The following XKR4 variants were observed in gnomAD, a reference collection of about 807,000 sequenced individuals.
The protein encoded by XKR4 is XK-related protein 4.
Under a neutral mutation model 53.9 loss-of-function variants are expected in XKR4, and 12 were observed. The ratio of observed to expected loss-of-function variants is 0.22; its 90% CI spans 0.14 to 0.36. The LOEUF is 0.36. Among genes scored for constraint, XKR4 ranks in the 10% least tolerant of loss-of-function variants. XKR4 has a pLI of 1.00. For synonymous variants in XKR4, 354 were observed against 362.4 expected, an observed-to-expected ratio of 0.98 and a Z score of 0.26; for missense variants, 799 against 859.5, an observed-to-expected ratio of 0.93 and a Z score of 0.88.
Position 55,247,835 on chromosome 8 carries a change from T to TTTTCTTTCTTTCTTTCTTTCTTTCTTTC in XKR4, c.807-109820_807-109819insCTTTCTTTCTTTCTTTCTTTCTTTCTTT, listed in dbSNP as rs374604470. Among the ~76,000 whole-genome samples, 254 of 65,112 alleles carry TTTTCTTTCTTTCTTTCTTTCTTTCTTTC rather than the reference T, an allele frequency of 3.9e-3. 38 individuals are homozygous for TTTTCTTTCTTTCTTTCTTTCTTTCTTTC. The highest frequency in any genetic ancestry group is 6.8e-3 in the Non-Finnish European group (142 of 20,958). 42.7% of individuals were successfully genotyped at this position (65,112 alleles called of 152,430 possible). A position where few individuals can be genotyped will look rare whatever the true frequency, so the allele number is the denominator to read the frequency against. On this transcript the variant is annotated intron_variant, in intron 1 of 2. Coordinates refer to ENST00000327381, the MANE Select transcript of XKR4 (RefSeq NM_052898.2). ...TTACATTATTAATTTTAATTTTTCT[T>TTTTCTTTCTTTCTTTCTTTCTTTCTTTC]TTTCTTTCTTTCTTTCTTTCTTTTT...
At chr8:55,127,800 A>G (rs905420437) in intron 1 of XKR4, among the ~76,000 whole-genome samples, 33 of 137,724 alleles carry the variant, frequency 2.4e-4, no homozygotes, top group African/African-American at 8.8e-4. Flanking sequence ...CTCATTGTTC[A>G]GTTCCCACCT....
intron 2 of XKR4, among the ~76,000 whole-genome samples, chr8:55,429,720 C>T (rs1805072311): frequency 6.7e-6 from 1 of 149,106 alleles, no homozygotes; most frequent in Non-Finnish European, 1.5e-5. Flanking sequence ...CAGACCAAGA[C>T]CCTGTCTTTC....
intron 2 of XKR4, among the ~76,000 whole-genome samples, chr8:55,389,881 G>T (rs1046938792): frequency 1.3e-5 from 2 of 152,112 alleles, no homozygotes; most frequent in African/African-American, 2.4e-5. Flanking sequence ...AGTGCCTACT[G>T]GAGCCCACAC....
At chr8:55,449,877 G>A in intron 2 of XKR4, 1 of 932,654 alleles carries the variant, frequency 1.1e-6, no homozygotes, top group Non-Finnish European at 1.8e-6. Flanking sequence ...TAAGGGTGCT[G>A]GTGCTGCCGC....
At chr8:55,369,179 C>T (rs1022906256) in intron 2 of XKR4, among the ~76,000 whole-genome samples, 13 of 151,630 alleles carry the variant, frequency 8.6e-5, no homozygotes, top group African/African-American at 3.2e-4. Context: ...CTGAGCAACA[C>T]AGCAAGACCC....
intron 1 of XKR4, among the ~76,000 whole-genome samples, chr8:55,230,363 C>CT (rs5891564): frequency 0.064 from 8,845 of 138,280 alleles, 670 homozygotes; most frequent in African/African-American, 0.17. Flanking sequence ...GAAAGAGACA[C>CT]TTTTTTTTTT....
intron 2 of XKR4, among the ~76,000 whole-genome samples, chr8:55,380,360 A>T (rs1238529212): frequency 1.3e-5 from 2 of 152,242 alleles, no homozygotes; most frequent in Non-Finnish European, 2.9e-5. Context: ...CTTCAAAAAG[A>T]GTTTAGTGTA....
At chr8:55,174,120 A>G (rs1427170474) in intron 1 of XKR4, among the ~76,000 whole-genome samples, 1 of 152,170 alleles carries the variant, frequency 6.6e-6, no homozygotes, top group Non-Finnish European at 1.5e-5. Flanking sequence ...TGCAGATAAT[A>G]CAATTAAAAT....
At chr8:55,437,908 C>A (rs1805199136) in intron 2 of XKR4, among the ~76,000 whole-genome samples, 1 of 151,712 alleles carries the variant, frequency 6.6e-6, no homozygotes, top group East Asian at 1.9e-4. Flanking sequence ...CCAGCTACAC[C>A]CCTTCAAGGG....
At chr8:55,123,400 CT>C (rs1016271324) in intron 1 of XKR4, among the ~76,000 whole-genome samples, 12 of 152,222 alleles carry the variant, frequency 7.9e-5, no homozygotes, top group Admixed American at 7.2e-4. Flanking sequence ...AAGCATGCCC[CT>C]GGCCTCCTTG....
chr8:55,393,775 G>A (rs552762772), intron 2 of XKR4, among the ~76,000 whole-genome samples: 2 of 152,124 alleles, frequency 1.3e-5, no homozygotes, highest in Admixed American at 6.6e-5. Flanking sequence ...ATAAACAAAC[G>A]TCCCTTTTAA....
chr8:55,267,484 C>T (rs940010648), intron 1 of XKR4, among the ~76,000 whole-genome samples: 1 of 152,186 alleles, frequency 6.6e-6, no homozygotes, highest in African/African-American at 2.4e-5. Flanking sequence ...TCTTAGTTGG[C>T]ATAATGCACA....
rs529241669 is a variant in XKR4, at chr8:55,122,488, G to A, written c.806+19194G>A. 3.3e-5 allele frequency among the ~76,000 whole-genome samples: 5 copies of A among 152,180 alleles called. No individual in the cohort carries two copies. The East Asian group carries it at 9.6e-4, about 29-fold the overall frequency. On this transcript the variant is annotated intron_variant, in intron 1 of 2. Coordinates refer to ENST00000327381, the MANE Select transcript of XKR4 (RefSeq NM_052898.2). ...ATAATCAGTATTCTATCTGGTTGAC[G>A]CCTCTTAGCTTTGAAAGGGATTGAG...
At position 55,102,108 on chromosome 8, in the gene XKR4, G is replaced by C. The variant is rs1319863388; in HGVS notation, c.-381G>C. Reference sequence around the variant, plus strand: ...CGCGAGGGGAGGAGAGGAATGTGCAGGTCCGAGGAGCGCCGCGGCGGCCGC... The same window carrying C: ...CGCGAGGGGAGGAGAGGAATGTGCACGTCCGAGGAGCGCCGCGGCGGCCGC... On this transcript the variant is annotated 5_prime_UTR_variant, in exon 1 of 3. Coordinates refer to ENST00000327381, the MANE Select transcript of XKR4 (RefSeq NM_052898.2). The surrounding 1 kb of genome is among the most constrained non-coding windows in gnomAD (Gnocchi z 5.1). 6.6e-6 allele frequency among the ~76,000 whole-genome samples: 1 copy of C among 151,576 alleles called. No individual in the cohort carries two copies. Among genetic ancestry groups the C allele is most frequent in the Non-Finnish European group, 1.5e-5 (1 of 67,858 alleles).
At chr8:55,192,217 C>T (rs895111418) in intron 1 of XKR4, among the ~76,000 whole-genome samples, 5 of 140,350 alleles carry the variant, frequency 3.6e-5, no homozygotes, top group African/African-American at 1.3e-4. Flanking sequence ...GGACTTAATA[C>T]AATTCTTACA....
chr8:55,431,856 A>G (rs908210223), intron 2 of XKR4, among the ~76,000 whole-genome samples: 15 of 152,246 alleles, frequency 9.9e-5, no homozygotes, highest in African/African-American at 3.4e-4. Context: ...GGGTTACTCA[A>G]CTGAACTATT....
intron 1 of XKR4, among the ~76,000 whole-genome samples, chr8:55,138,835 A>G (rs1816664354): frequency 6.6e-6 from 1 of 152,138 alleles, no homozygotes; most frequent in Non-Finnish European, 1.5e-5. Context: ...GAGTAAATTG[A>G]TGTTGGTTAT....
chr8:55,382,661 G>T (rs1804252824), intron 2 of XKR4, among the ~76,000 whole-genome samples: 1 of 152,146 alleles, frequency 6.6e-6, no homozygotes, highest in African/African-American at 2.4e-5. Context: ...CTGTTAAAAA[G>T]TCTGTTACAG....
Position 55,523,945 on chromosome 8 carries a change from C to T in XKR4, c.1671C>T (p.Ser557=), listed in dbSNP as rs2129406048. 1 of 1,614,176 alleles carries T rather than the reference C, an allele frequency of 6.2e-7. No individual in the cohort carries two copies. The highest frequency in any genetic ancestry group is 1.3e-5 in the African/African-American group (1 of 75,036). ...TCTCCAACAACCGCAGTGTTGTCAG[C>T]GACCGCGATCAGAAATTCGCAGAGC... The part of the protein sequence containing the change: ...RSISNNRSVV[S]DRDQKFAERD... Residue 557 remains serine (S), a synonymous_variant, in exon 3 of 3, where the codon AGC becomes AGT. Coordinates refer to ENST00000327381, the MANE Select transcript of XKR4 (RefSeq NM_052898.2).
Sources: allele counts gnomAD v4.1 joint callset (sites outside exome capture counted in the v4.1 genomes callset), GRCh38; gene constraint gnomAD v4.1.1; non-coding constraint Gnocchi (gnomAD v3.1); transcripts MANE v1.5; gene names NCBI Gene and HGNC (gene_info 2026-07-23, HGNC 2026-07-21).